SNX18: variants seen among roughly 807,000 people sequenced by gnomAD.
SNX18 encodes the protein sorting nexin 18, also known as sorting nexin-18.
Under a neutral mutation model 48.7 loss-of-function variants are expected in SNX18, and 35 were observed. The observed-to-expected ratio is 0.72, with a 90% CI of 0.55 to 0.95. SNX18 has a LOEUF of 0.95. Among genes scored for constraint, SNX18 ranks in the 40% least tolerant of loss-of-function variants. SNX18 has a pLI of 0.00. For missense variants in SNX18, 824 were observed against 871.0 expected (o/e 0.95, Z 0.68); for synonymous variants, 492 against 384.7 (o/e 1.28, Z -3.26).
At chr5:54,534,304 G>C (rs1476826786) in intron 1 of SNX18, among the ~76,000 whole-genome samples, 2 of 146,514 alleles carry the variant, frequency 1.4e-5, no homozygotes, top group Non-Finnish European at 3.0e-5. Context: ...TGGGCCTTTT[G>C]TATAATTAGT....
the SNX18 span, among the ~76,000 whole-genome samples, chr5:54,623,964 G>A: frequency 1.3e-5 from 2 of 152,136 alleles, no homozygotes; most frequent in African/African-American, 2.4e-5. Context: ...CCTCAGTTAC[G>A]AGTAAGCATA....
the SNX18 span, among the ~76,000 whole-genome samples, chr5:54,617,953 C>T: frequency 5.9e-5 from 9 of 152,050 alleles, no homozygotes; most frequent in Non-Finnish European, 4.4e-5. Context: ...TTGGGGGATG[C>T]GAGGATTATG....
At chr5:54,553,467 G>T in the SNX18 span, among the ~76,000 whole-genome samples, 73 of 152,272 alleles carry the variant, frequency 4.8e-4, no homozygotes, top group Non-Finnish European at 9.1e-4. Flanking sequence ...TATTCTGTGC[G>T]TCCACAGCAG....
chr5:54,609,515 T>G, the SNX18 span, among the ~76,000 whole-genome samples: 1 of 152,122 alleles, frequency 6.6e-6, no homozygotes, highest in Admixed American at 6.6e-5. Context: ...GTCAGAGTCT[T>G]GCTATGTTGC....
chr5:54,564,142 T>C, the SNX18 span, among the ~76,000 whole-genome samples: 4 of 152,106 alleles, frequency 2.6e-5, no homozygotes, highest in African/African-American at 9.7e-5. Flanking sequence ...GGCGGGCGCC[T>C]GTAGTCCCAG....
At chr5:54,571,655 C>G in the SNX18 span, among the ~76,000 whole-genome samples, 1 of 152,188 alleles carries the variant, frequency 6.6e-6, no homozygotes, top group African/African-American at 2.4e-5. Flanking sequence ...CAAGAATTTC[C>G]CCTTTTCTCT....
rs1323349285 is a variant in SNX18, at chr5:54,519,234, A to G, written c.1282A>G (p.Ile428Val). The change falls in exon 1 of 2, where the codon ATC becomes GTC. Residue 428 changes from isoleucine (I) to valine (V), a missense_variant. This residue lies in a region of SNX18 where 443 missense variants were observed against 503.6 expected (regional missense o/e 0.88). Transcript: ENST00000381410. ...ALDLQEVESKIDGFKCFTKKM... is the reference protein window; with the variant it reads ...ALDLQEVESKVDGFKCFTKKM... ...TGACCTGCAGGAGGTGGAGAGCAAG[A>G]TCGACGGCTTCAAGTGCTTCACCAA... 1 of 1,614,028 alleles carries G rather than the reference A, an allele frequency of 6.2e-7. No individual in the cohort carries two copies. The highest frequency in any genetic ancestry group is 1.3e-5 in the African/African-American group (1 of 74,934).
the SNX18 span, among the ~76,000 whole-genome samples, chr5:54,587,495 A>G: frequency 2.0e-5 from 3 of 152,172 alleles, no homozygotes; most frequent in Admixed American, 1.3e-4. Context: ...TTTCATCTCT[A>G]TAGACTAAAA....
At chr5:54,605,362 T>C in the SNX18 span, among the ~76,000 whole-genome samples, 3 of 136,496 alleles carry the variant, frequency 2.2e-5, no homozygotes, top group Middle Eastern at 3.8e-3. Flanking sequence ...GGGTTTAGAC[T>C]TTTTTTTAAA....
At position 54,518,909 on chromosome 5, in the gene SNX18, G is replaced by A; in HGVS notation, c.957G>A (p.Leu319=). The A allele has an allele frequency of 6.2e-7, 1 of 1,613,978 alleles. No individual in the cohort carries two copies. The highest frequency in any genetic ancestry group is 8.5e-7 in the Non-Finnish European group (1 of 1,180,028). Reference sequence around the variant, plus strand: ...GGCGCTACAAGCACTTCGACTGGCTGTACGCGCGCCTGGCGGAGAAGTTCC... The same window carrying A: ...GGCGCTACAAGCACTTCGACTGGCTATACGCGCGCCTGGCGGAGAAGTTCC... ...VHRRYKHFDW[L]YARLAEKFPV... is the part of the protein sequence containing the mutation. Residue 319 remains leucine (L), a synonymous_variant, in exon 1 of 2, where the codon CTG becomes CTA. Transcript: ENST00000381410.
Position 54,543,538 on chromosome 5 carries a change from GA to G in SNX18, c.*107del, listed in dbSNP as rs1383822960. On this transcript the variant is annotated 3_prime_UTR_variant, in exon 2 of 2. Coordinates refer to ENST00000381410, the MANE Select transcript of SNX18 (RefSeq NM_001102575.2). ...TGCCAGCTATCAGTGGTGGTACAAG[GA>G]CGGTTTTGTGTTCATCTGAAACCCA... 1.6e-5 allele frequency: 23 copies of G among 1,397,942 alleles called. No individual in the cohort carries two copies. The South Asian group carries it at 2.7e-4, about 16-fold the overall frequency. 86.6% of individuals were successfully genotyped at this position (1,397,942 alleles called of 1,614,324 possible). A position where few individuals can be genotyped will look rare whatever the true frequency, so the allele number is the denominator to read the frequency against.
At chr5:54,530,642 CTATT>C (rs1050121681) in intron 1 of SNX18, among the ~76,000 whole-genome samples, 3 of 149,716 alleles carry the variant, frequency 2.0e-5, no homozygotes, top group Non-Finnish European at 4.4e-5. Context: ...TTCATTATAT[CTATT>C]TAAGCTTCAG....
At chr5:54,541,543 A>G (rs932494911) in intron 1 of SNX18, among the ~76,000 whole-genome samples, 1 of 152,102 alleles carries the variant, frequency 6.6e-6, no homozygotes, top group African/African-American at 2.4e-5. Context: ...TTCTTAGTAG[A>G]ACTGGGACAG....
At chr5:54,580,499 C>T in the SNX18 span, among the ~76,000 whole-genome samples, 9 of 152,088 alleles carry the variant, frequency 5.9e-5, no homozygotes, top group African/African-American at 2.2e-4. Context: ...TTACTTTATT[C>T]ATTCAGTAGC....
At chr5:54,599,095 G>T in the SNX18 span, among the ~76,000 whole-genome samples, 1 of 152,150 alleles carries the variant, frequency 6.6e-6, no homozygotes, top group Non-Finnish European at 1.5e-5. Flanking sequence ...CAACAGGCAA[G>T]CAGAGAGCCA....
chr5:54,556,182 A>G, the SNX18 span, among the ~76,000 whole-genome samples: 1 of 152,236 alleles, frequency 6.6e-6, no homozygotes, highest in Admixed American at 6.5e-5. Context: ...ATCCTTAGTC[A>G]TTATGTTAGT....
the SNX18 span, among the ~76,000 whole-genome samples, chr5:54,590,849 CAGGAAGCATGGCATGGTTATCTCCT>C: frequency 1.3e-5 from 2 of 152,134 alleles, no homozygotes; most frequent in Non-Finnish European, 2.9e-5. Context: ...TCCATGAGGG[CAGGAAGCATGGCATGGTTATCTCCT>C]GCCTGACGCT....
At chr5:54,596,386 G>T in the SNX18 span, among the ~76,000 whole-genome samples, 8 of 152,162 alleles carry the variant, frequency 5.3e-5, no homozygotes, top group Non-Finnish European at 4.4e-5. Context: ...AGGAAAAGGG[G>T]CCTAGGAGAG....
chr5:54,579,367 T>C, the SNX18 span, among the ~76,000 whole-genome samples: 28 of 151,588 alleles, frequency 1.8e-4, no homozygotes, highest in African/African-American at 6.5e-4. Context: ...AAAGTAATAA[T>C]GAGAACCACA....
Sources: allele counts gnomAD v4.1 joint callset (sites outside exome capture counted in the v4.1 genomes callset), GRCh38; gene constraint gnomAD v4.1.1; regional missense constraint gnomAD v4.1.1; transcripts MANE v1.5; gene names NCBI Gene and HGNC (gene_info 2026-07-23, HGNC 2026-07-21).